The following JAKMIP1 variants were observed in gnomAD, a reference collection of about 807,000 sequenced individuals.
JAKMIP1 encodes the protein janus kinase and microtubule-interacting protein 1.
Under a neutral mutation model 113.0 loss-of-function variants are expected in JAKMIP1, and 33 were observed. The ratio of observed to expected loss-of-function variants is 0.29; its 90% CI spans 0.22 to 0.39. JAKMIP1 has a LOEUF of 0.39. JAKMIP1 is among the 10% of genes least tolerant of loss of function. JAKMIP1 has a pLI of 1.00. For missense variants in JAKMIP1, 813 were observed against 1,080.5 expected (o/e 0.75, Z 3.47); for synonymous variants, 480 against 459.9 (o/e 1.04, Z -0.56).
chr4:6,041,182 T>C (rs1353302335), intron 17 of JAKMIP1, among the ~76,000 whole-genome samples: 1 of 152,226 alleles, frequency 6.6e-6, no homozygotes, highest in African/African-American at 2.4e-5. Flanking sequence ...TGGGTCACTG[T>C]CTAAGACCCT....
In JAKMIP1 at chr4:6,065,244, C is replaced by G. The variant is rs1388779429; in HGVS notation, c.1303-236G>C. Among the ~76,000 whole-genome samples the G allele has an allele frequency of 2.0e-5, 3 of 152,210 alleles. No homozygotes were observed. Among genetic ancestry groups the G allele is most frequent in the Non-Finnish European group, 2.9e-5 (2 of 68,042 alleles). On this transcript the variant is annotated intron_variant, in intron 8 of 20. Coordinates refer to ENST00000409021, the MANE Select transcript of JAKMIP1 (RefSeq NM_001099433.2). The surrounding 1 kb of genome is among the most constrained non-coding windows in gnomAD (Gnocchi z 5.1). ...CGAGCTAGTCTGGCCCTGGTCCTGG[C>G]TCTGGCTCTCCAGCTGTAGACCTGT...
intron 1 of JAKMIP1, among the ~76,000 whole-genome samples, chr4:6,127,520 G>A (rs1398977327): frequency 6.6e-6 from 1 of 152,214 alleles, no homozygotes; most frequent in African/African-American, 2.4e-5. Flanking sequence ...CCTGGCAAAT[G>A]GCTTGGTGGG....
chr4:6,151,390 C>A (rs1721556319), intron 1 of JAKMIP1, among the ~76,000 whole-genome samples: 1 of 152,190 alleles, frequency 6.6e-6, no homozygotes, highest in Admixed American at 6.5e-5. Context: ...CCTCACTGCA[C>A]CACAAAATAC....
rs567047834 is a variant in JAKMIP1, at chr4:6,086,071, C to G, written c.625-442G>C. On this transcript the variant is annotated intron_variant, in intron 3 of 20. Coordinates refer to ENST00000409021, the MANE Select transcript of JAKMIP1 (RefSeq NM_001099433.2). The surrounding 1 kb of genome is among the most constrained non-coding windows in gnomAD (Gnocchi z 4.1). The stretch of plus-strand genomic sequence containing the variant: ...CAACTCCCCAACCCTCACCACCAGA[C>G]AGCTCCTGCCAAGGTCACCAGTGCT... Among the ~76,000 whole-genome samples the G allele has an allele frequency of 5.3e-5, 8 of 152,212 alleles. No individual in the cohort carries two copies. The highest frequency in any genetic ancestry group is 1.7e-4 in the African/African-American group (7 of 41,530).
At chr4:6,039,812 A>G (rs1380441617) in intron 18 of JAKMIP1, among the ~76,000 whole-genome samples, 1 of 152,094 alleles carries the variant, frequency 6.6e-6, no homozygotes, top group Non-Finnish European at 1.5e-5. Context: ...AGCCCATGCT[A>G]CCTGCTCTCT....
At chr4:6,191,343 G>GC (rs1026112367) in intron 1 of JAKMIP1, among the ~76,000 whole-genome samples, 6 of 152,124 alleles carry the variant, frequency 3.9e-5, no homozygotes, top group Admixed American at 6.5e-5. Flanking sequence ...CCCTCCTGAG[G>GC]CCCTCAGAGA....
At chr4:6,027,435 C>T (rs751758848) in intron 20 of JAKMIP1, among the ~76,000 whole-genome samples, 28 of 152,178 alleles carry the variant, frequency 1.8e-4, no homozygotes, top group East Asian at 1.9e-4. Context: ...GGGAAGGATT[C>T]GTTAAGACCA....
intron 1 of JAKMIP1, among the ~76,000 whole-genome samples, chr4:6,132,423 C>G (rs192275972): frequency 6.6e-6 from 1 of 152,142 alleles, no homozygotes; most frequent in Non-Finnish European, 1.5e-5. Flanking sequence ...GGGCAGATCA[C>G]TTGAGGTCAG....
intron 3 of JAKMIP1, among the ~76,000 whole-genome samples, chr4:6,090,435 C>T (rs1318887062): frequency 6.6e-6 from 1 of 152,172 alleles, no homozygotes. Context: ...GACTTCTGGA[C>T]TCCAGAACCG....
chr4:6,058,562 G>A (rs1321310315), intron 11 of JAKMIP1, among the ~76,000 whole-genome samples: 1 of 152,202 alleles, frequency 6.6e-6, no homozygotes, highest in East Asian at 1.9e-4. Context: ...ATCTAGAAAA[G>A]TTTTAAGTTA....
chr4:6,130,202 GGAA>G (rs1482824976), intron 1 of JAKMIP1, among the ~76,000 whole-genome samples: 3 of 152,252 alleles, frequency 2.0e-5, no homozygotes, highest in Non-Finnish European at 4.4e-5. Flanking sequence ...GGGAGGCAGG[GGAA>G]GAAGGAGGGA....
chr4:6,057,453 G>A (rs1342637047), intron 11 of JAKMIP1, among the ~76,000 whole-genome samples: 1 of 152,160 alleles, frequency 6.6e-6, no homozygotes, highest in Non-Finnish European at 1.5e-5. Flanking sequence ...AGGATGCTGA[G>A]AAGCAGAGGC....
Position 6,136,853 on chromosome 4 carries a change from C to T in JAKMIP1, c.-147-23856G>A, listed in dbSNP as rs1292011284. Among the ~76,000 whole-genome samples the T allele has an allele frequency of 6.6e-6, 1 of 152,184 alleles. No individual in the cohort carries two copies. Among genetic ancestry groups the T allele is most frequent in the South Asian group, 2.1e-4 (1 of 4,830 alleles). On this transcript the variant is annotated intron_variant, in intron 1 of 20. Transcript: ENST00000409021. This position sits in a 1 kb window ranked among gnomAD's most constrained non-coding sequence, Gnocchi z 5.9. ...AAAGCAAAAAGCTAGTTACCAGCAG[C>T]GGCACTACCCATCACATAACAGGCA...
rs1400249285 is a variant in JAKMIP1 at position 6,069,612 on chromosome 4, G to A, written c.1303-4604C>T. ...AAAAGTTATTTAAAAAGTTAGCCGA[G>A]TATGGTGGCTGACGCCTGTAGTCCC... On this transcript the variant is annotated intron_variant, in intron 8 of 20. Coordinates refer to ENST00000409021, the MANE Select transcript of JAKMIP1 (RefSeq NM_001099433.2). This position sits in a 1 kb window ranked among gnomAD's most constrained non-coding sequence, Gnocchi z 4.5. Among the ~76,000 whole-genome samples, 1 of 152,162 alleles carries A rather than the reference G, an allele frequency of 6.6e-6. No homozygotes were observed. Among genetic ancestry groups the A allele is most frequent in the Non-Finnish European group, 1.5e-5 (1 of 68,030 alleles).
At chr4:6,054,416 A>G (rs1339155455) in intron 12 of JAKMIP1, among the ~76,000 whole-genome samples, 1 of 152,190 alleles carries the variant, frequency 6.6e-6, no homozygotes, top group Admixed American at 6.5e-5. Context: ...GGGGCTACTT[A>G]CATATTTGCT....
chr4:6,082,482 T>C (rs1052584455), intron 5 of JAKMIP1, among the ~76,000 whole-genome samples: 6 of 151,816 alleles, frequency 4.0e-5, no homozygotes, highest in Admixed American at 2.6e-4. Context: ...CATTTTTTTT[T>C]TTCGAGACAG....
At chr4:6,037,801 C>T (rs1308864280) in intron 18 of JAKMIP1, among the ~76,000 whole-genome samples, 17 of 137,280 alleles carry the variant, frequency 1.2e-4, no homozygotes, top group African/African-American at 3.1e-4. Flanking sequence ...CCTCCATCAC[C>T]GAGGCAGAGG....
rs1469032095 is a variant in JAKMIP1, at chr4:6,184,947, T to C, written c.-148+15306A>G. On this transcript the variant is annotated intron_variant, in intron 1 of 20. Coordinates refer to ENST00000409021, the MANE Select transcript of JAKMIP1 (RefSeq NM_001099433.2). This position sits in a 1 kb window ranked among gnomAD's most constrained non-coding sequence, Gnocchi z 4.5. ...CAGAATTTGGAAAGAGCAGACTTGC[T>C]GAGTCTTCCGGCCTCCATCTTTCTC... Among the ~76,000 whole-genome samples the C allele has an allele frequency of 6.6e-6, 1 of 152,220 alleles. No individual in the cohort carries two copies. Among genetic ancestry groups the C allele is most frequent in the African/African-American group, 2.4e-5 (1 of 41,456 alleles).
intron 19 of JAKMIP1, among the ~76,000 whole-genome samples, chr4:6,034,576 T>A (rs4342146): frequency 6.6e-6 from 1 of 151,996 alleles, no homozygotes; most frequent in African/African-American, 2.4e-5. Flanking sequence ...CCTAGGTGGG[T>A]GGATCACTTG....
Sources: allele counts gnomAD v4.1 joint callset (sites outside exome capture counted in the v4.1 genomes callset), GRCh38; gene constraint gnomAD v4.1.1; non-coding constraint Gnocchi (gnomAD v3.1); transcripts MANE v1.5; gene names NCBI Gene and HGNC (gene_info 2026-07-23, HGNC 2026-07-21).